Variants in ARR3 observed in about 807,000 individuals in gnomAD.
ARR3 encodes arrestin-C.
Under a neutral mutation model 35.4 loss-of-function variants are expected in ARR3, and 14 were observed. The ratio of observed to expected loss-of-function variants is 0.40; its 90% CI spans 0.26 to 0.62. ARR3 has a LOEUF of 0.62. Among genes scored for constraint, ARR3 ranks in the 20% least tolerant of loss-of-function variants. The probability of loss-of-function intolerance (pLI) is 0.46; values close to 1 mark genes in which losing one functional copy is unlikely to be tolerated. For synonymous variants in ARR3, 97 were observed against 119.1 expected, an observed-to-expected ratio of 0.81 and a Z score of 1.21; for missense variants, 259 against 303.8, an observed-to-expected ratio of 0.85 and a Z score of 1.10.
In ARR3 at chrX:70,277,755, A is replaced by G. The variant is rs138489730; in HGVS notation, c.649A>G (p.Ile217Val). Residue 217 changes from isoleucine to valine, a missense_variant, in exon 10 of 17, where the codon ATC becomes GTC. Physicochemically the swap from Ile to Val is conservative, Grantham distance 29. Coordinates refer to ENST00000307959, the MANE Select transcript of ARR3 (RefSeq NM_004312.3). Reference sequence around the variant, plus strand: ...AGAACCCATCTCTGTCAATGTTTCTATCAACAACTGCACCAACAAGGTCAT... The same window carrying G: ...AGAACCCATCTCTGTCAATGTTTCTGTCAACAACTGCACCAACAAGGTCAT... ...HGEPISVNVS[I>V]NNCTNKVIKK... The G allele has an allele frequency of 2.9e-4, 350 of 1,208,709 alleles. No homozygotes were observed. Among genetic ancestry groups the G allele is most frequent in the Non-Finnish European group, 2.6e-4 (229 of 894,608 alleles).
At chrX:70,277,949 T>A in intron 10 of ARR3, 117 bp from the exon 11 acceptor site, 3 of 861,771 alleles carry the variant, frequency 3.5e-6, no homozygotes, top group Non-Finnish European at 5.0e-6. Flanking sequence ...TCAATGAGCA[T>A]GTCTCACTGC....
chrX:70,278,548 T>G lies in ARR3; in HGVS notation c.812T>G (p.Val271Gly). 1 of 1,211,756 alleles carries G rather than the reference T, an allele frequency of 8.3e-7. No homozygotes were observed. Among genetic ancestry groups the G allele is most frequent in the Non-Finnish European group, 1.1e-6 (1 of 895,349 alleles). The change falls in exon 12 of 17, where the codon GTA becomes GGA. Residue 271 changes from valine (V) to glycine (G), a missense_variant. Physicochemically the swap from Val to Gly is moderately radical, Grantham distance 109. Transcript: ENST00000307959. The stretch of plus-strand genomic sequence containing the variant: ...TCCAGCTTCTCCCAGAGCTTTGCAG[T>G]AACCCCAATCCTGGCTGCCAGCTGC... ...ANSSFSQSFAVTPILAASCQK... is the reference protein window; with the variant it reads ...ANSSFSQSFAGTPILAASCQK...
Position 70,269,897 on chromosome X carries a change from C to T in ARR3, c.94C>T (p.Pro32Ser). 8.3e-7 allele frequency: 1 copy of T among 1,208,170 alleles called. No homozygotes were observed. Among genetic ancestry groups the T allele is most frequent in the South Asian group, 1.8e-5 (1 of 56,196 alleles). The change falls in exon 4 of 17, where the codon CCC (proline) becomes TCC (serine). Residue 32 changes from proline (P) to serine (S), a missense_variant. Physicochemically the swap from Pro to Ser is moderately conservative, Grantham distance 74. Coordinates refer to ENST00000307959, the MANE Select transcript of ARR3 (RefSeq NM_004312.3). ...CGTGGACCATGTGGACACGGTGGAA[C>T]CCATTGGTCAGTGAGTCCAAAAAAG... ...DFVDHVDTVE[P>S]IDGVVLVDPE...
intron 1 of ARR3, among the ~76,000 whole-genome samples, chrX:70,268,931 G>A (rs1184092678): frequency 9.0e-6 from 1 of 111,623 alleles, no homozygotes; most frequent in African/African-American, 3.3e-5. Context: ...AACATGTCTT[G>A]GCACCTAGTG....
chrX:70,276,878 C>T, intron 8 of ARR3, 142 bp downstream of exon 8: 6 of 541,308 alleles, frequency 1.1e-5, no homozygotes, highest in Non-Finnish European at 1.8e-5. Flanking sequence ...TCCCCTCTGA[C>T]TTACCTTCTT....
At chrX:70,270,593 T>C (rs947270949) in intron 5 of ARR3, among the ~76,000 whole-genome samples, 2 of 111,158 alleles carry the variant, frequency 1.8e-5, no homozygotes, top group Admixed American at 9.7e-5. Flanking sequence ...CAGAAATCCA[T>C]ATTTTAAGGC....
chrX:70,280,339 T>C, intron 13 of ARR3, 61 bp downstream of exon 13: 6 of 1,103,985 alleles, frequency 5.4e-6, no homozygotes, highest in Non-Finnish European at 7.5e-6. Flanking sequence ...TTTTCGCCTC[T>C]GTTTTTCTCC....
In ARR3 at chrX:70,274,470, G is replaced by A. The variant is rs150405275; in HGVS notation, c.146-1612G>A. 9.8e-3 allele frequency among the ~76,000 whole-genome samples: 1,099 copies of A among 112,159 alleles called. 16 individuals are homozygous for A. The highest frequency in any genetic ancestry group is 0.034 in the African/African-American group (1,036 of 30,884). On this transcript the variant is annotated intron_variant, in intron 5 of 16. Transcript: ENST00000307959. ...TCCACCTAGGCCTCCCAAAGAGCTG[G>A]GATTACAGGCGTGAGCTACCACGCC...
intron 12 of ARR3, 126 bp downstream of exon 12, chrX:70,278,767 T>C: frequency 1.1e-6 from 1 of 920,674 alleles, no homozygotes; most frequent in Non-Finnish European, 1.5e-6. Flanking sequence ...TCTAGGGCAG[T>C]GTTCAGAGAC....
At chrX:70,278,758 C>G (rs1056412514) in intron 12 of ARR3, 117 bp downstream of exon 12, 27 of 981,330 alleles carry the variant, frequency 2.8e-5, no homozygotes, top group Non-Finnish European at 3.7e-5. Context: ...TAAAGTGTCT[C>G]TAGGGCAGTG....
intron 5 of ARR3, among the ~76,000 whole-genome samples, chrX:70,273,656 C>T (rs1407383911): frequency 9.0e-6 from 1 of 111,547 alleles, no homozygotes; most frequent in Non-Finnish European, 1.9e-5. Flanking sequence ...TCTGAGCTCA[C>T]TTTCTTTGCC....
chrX:70,275,114 T>C (rs966000649), intron 5 of ARR3, among the ~76,000 whole-genome samples: 2 of 112,552 alleles, frequency 1.8e-5, no homozygotes, highest in African/African-American at 6.5e-5. Flanking sequence ...AAAGCTCCTT[T>C]AAAGTCAACT....
At chrX:70,269,303 G>T in intron 1 of ARR3, 53 bp from the exon 2 acceptor site, 2 of 1,165,365 alleles carry the variant, frequency 1.7e-6, no homozygotes, top group South Asian at 4.0e-5. Context: ...CTGGAGTGGG[G>T]TGAGAAGAAT....
intron 11 of ARR3, 135 bp downstream of exon 11, chrX:70,278,273 G>A: frequency 1.5e-6 from 1 of 680,408 alleles, no homozygotes; most frequent in Non-Finnish European, 2.2e-6. Context: ...AGGAGAACTA[G>A]ATGGAGGGGA....
rs867699517 is a variant in ARR3, at chrX:70,281,698, G to A, written c.1099G>A (p.Glu367Lys). ...AASSEDIVIE[E>K]FTRKGEEESQ... is the part of the protein sequence containing the mutation. ...AAGCTCTGAGGACATAGTCATCGAG[G>A]AGTTTACGCGGAAAGGCGAGGAGGA... The change falls in exon 17 of 17, where the codon GAG becomes AAG. Residue 367 changes from glutamate (E) to lysine (K), a missense_variant. By Grantham distance (56) the Glu-to-Lys change is moderately conservative (BLOSUM62 1). Coordinates refer to ENST00000307959, the MANE Select transcript of ARR3 (RefSeq NM_004312.3). 1.7e-6 allele frequency: 2 copies of A among 1,187,107 alleles called. No homozygotes were observed. Among genetic ancestry groups the A allele is most frequent in the Admixed American group, 2.4e-5 (1 of 42,239 alleles).
chrX:70,275,977 A>G, intron 5 of ARR3, 105 bp from the exon 6 acceptor site: 1 of 933,719 alleles, frequency 1.1e-6, no homozygotes, highest in Middle Eastern at 3.7e-4. Flanking sequence ...GCGCCCAGCC[A>G]GCCTTCGATC....
chrX:70,281,625 C>A, intron 16 of ARR3, 51 bp from the exon 17 acceptor site: 1 of 1,021,697 alleles, frequency 9.8e-7, no homozygotes, highest in Non-Finnish European at 1.4e-6. Flanking sequence ...ACACGGAGGA[C>A]ACCCAGAAAG....
At chrX:70,269,227 G>A in intron 1 of ARR3, 129 bp from the exon 2 acceptor site, 1 of 587,315 alleles carries the variant, frequency 1.7e-6, no homozygotes, top group Admixed American at 4.5e-5. Context: ...GGAGGTACTT[G>A]ATGTGGGTGA....
intron 5 of ARR3, among the ~76,000 whole-genome samples, chrX:70,275,768 C>G (rs2085649675): frequency 1.0e-5 from 1 of 100,404 alleles, no homozygotes; most frequent in Admixed American, 1.1e-4. Flanking sequence ...CTCCTGGGTT[C>G]ACGCCATTCT....
Sources: allele counts gnomAD v4.1 joint callset (sites outside exome capture counted in the v4.1 genomes callset), GRCh38; gene constraint gnomAD v4.1.1; transcripts MANE v1.5; gene names NCBI Gene and HGNC (gene_info 2026-07-23, HGNC 2026-07-21).